Variants in TRPC4AP observed in about 807,000 individuals in gnomAD.
TRPC4AP encodes short transient receptor potential channel 4-associated protein.
Under a neutral mutation model 99.0 loss-of-function variants are expected in TRPC4AP, and 45 were observed. That is an observed-to-expected ratio of 0.45 (90% CI 0.36 to 0.58). The LOEUF is 0.58. Ranked by LOEUF, TRPC4AP falls within the 20% of genes least tolerant of loss-of-function variation. TRPC4AP has a pLI of 0.00. For synonymous variants in TRPC4AP, 408 were observed against 385.8 expected (o/e 1.06, Z -0.67); for missense variants, 879 against 985.3 (o/e 0.89, Z 1.44).
At chr20:35,043,391 C>T (rs2083485216) in intron 7 of TRPC4AP, among the ~76,000 whole-genome samples, 1 of 152,006 alleles carries the variant, frequency 6.6e-6, no homozygotes, top group Non-Finnish European at 1.5e-5. Flanking sequence ...GGACTACAGG[C>T]GTGCACCACC....
chr20:35,037,219 C>T (rs865963446), intron 7 of TRPC4AP, among the ~76,000 whole-genome samples: 1 of 151,872 alleles, frequency 6.6e-6, no homozygotes, highest in Non-Finnish European at 1.5e-5. Flanking sequence ...CGGTGGCAGG[C>T]GCCTGTAGTC....
chr20:35,051,305 C>T (rs1416224971), intron 5 of TRPC4AP, among the ~76,000 whole-genome samples: 5 of 152,048 alleles, frequency 3.3e-5, no homozygotes, highest in African/African-American at 1.2e-4. Context: ...AATTTTCTTT[C>T]TTTTAATTTT....
intron 7 of TRPC4AP, among the ~76,000 whole-genome samples, chr20:35,043,389 G>A (rs911252942): frequency 6.6e-6 from 1 of 152,014 alleles, no homozygotes; most frequent in Admixed American, 6.6e-5. Context: ...TGGGACTACA[G>A]GCGTGCACCA....
intron 2 of TRPC4AP, among the ~76,000 whole-genome samples, chr20:35,075,139 G>A (rs2084438456): frequency 6.7e-6 from 1 of 148,416 alleles, no homozygotes; most frequent in Non-Finnish European, 1.5e-5. Context: ...CCTTTATTTT[G>A]AGCCTATGTG....
At chr20:35,060,164 CTT>C (rs2083960080) in intron 3 of TRPC4AP, among the ~76,000 whole-genome samples, 1 of 152,166 alleles carries the variant, frequency 6.6e-6, no homozygotes, top group Non-Finnish European at 1.5e-5. Context: ...CCAACTCATT[CTT>C]TGAGGCGAGT....
At chr20:35,020,359 C>T (rs1274265292) in intron 9 of TRPC4AP, among the ~76,000 whole-genome samples, 1 of 152,176 alleles carries the variant, frequency 6.6e-6, no homozygotes, top group Non-Finnish European at 1.5e-5. Context: ...TCCCTGTGAG[C>T]CCTCAGCCCT....
chr20:35,004,594 G>A lies in TRPC4AP; in HGVS notation c.1937-24C>T, dbSNP rs1446451603. The A allele has an allele frequency of 1.9e-6, 3 of 1,604,380 alleles. No individual in the cohort carries two copies. The African/African-American group carries it at 4.0e-5, about 21-fold the overall frequency. On this transcript the variant is annotated intron_variant, in intron 16 of 18. Transcript: ENST00000252015. ...AACTGTGGAGGGAGGCAGGGGTGCA[G>A]CAGGTCAGGCTTAGGCCCAGTGGCT... is the stretch of plus-strand genomic sequence containing the variant.
At chr20:35,032,454 T>C (rs1348006576) in intron 8 of TRPC4AP, among the ~76,000 whole-genome samples, 1 of 151,030 alleles carries the variant, frequency 6.6e-6, no homozygotes, top group Non-Finnish European at 1.5e-5. Context: ...AAGCATAGTT[T>C]TAGTTCTTTG....
At chr20:35,043,221 T>A (rs765519905) in intron 7 of TRPC4AP, among the ~76,000 whole-genome samples, 7 of 152,168 alleles carry the variant, frequency 4.6e-5, no homozygotes, top group Non-Finnish European at 1.0e-4. Context: ...AGTCTTTTGT[T>A]ATTACAAATA....
chr20:35,084,247 C>A, intron 1 of TRPC4AP, among the ~76,000 whole-genome samples: 1 of 149,024 alleles, frequency 6.7e-6, no homozygotes, highest in Admixed American at 6.8e-5. Context: ...TCCAGCCGGG[C>A]AACAGTGCGA....
At position 35,046,293 on chromosome 20, in the gene TRPC4AP, A is replaced by T. The variant is rs1001482028; in HGVS notation, c.658-1581T>A. Among the ~76,000 whole-genome samples, 3 of 152,234 alleles carry T rather than the reference A, an allele frequency of 2.0e-5. No individual in the cohort carries two copies. In the East Asian group the frequency reaches 5.8e-4, roughly 29 times the overall value. Reference sequence around the variant, plus strand: ...GGAATGCCTTGTGCTATTTGGTTCTATTCTCACTCATTACTCCTTAAAATC... The same window carrying T: ...GGAATGCCTTGTGCTATTTGGTTCTTTTCTCACTCATTACTCCTTAAAATC... On this transcript the variant is annotated intron_variant, in intron 6 of 18. Coordinates refer to ENST00000252015, the MANE Select transcript of TRPC4AP (RefSeq NM_015638.3).
chr20:35,052,876 C>T (rs2083737370), intron 5 of TRPC4AP, among the ~76,000 whole-genome samples: 1 of 152,108 alleles, frequency 6.6e-6, no homozygotes, highest in Non-Finnish European at 1.5e-5. Flanking sequence ...CACAAGTCCC[C>T]ACTCCAACAC....
chr20:35,079,746 C>T (rs367824846), intron 1 of TRPC4AP, among the ~76,000 whole-genome samples: 6 of 151,888 alleles, frequency 4.0e-5, no homozygotes, highest in African/African-American at 7.3e-5. Flanking sequence ...TATTATGAAC[C>T]GTTTGCCCCA....
rs143476570 is a variant in TRPC4AP, at chr20:35,021,258, C to T, written c.1150G>A (p.Glu384Lys). 2 of 1,614,070 alleles carry T rather than the reference C, an allele frequency of 1.2e-6. No homozygotes were observed. Among genetic ancestry groups the T allele is most frequent in the Non-Finnish European group, 1.7e-6 (2 of 1,180,048 alleles). Residue 384 changes from glutamate to lysine, a missense_variant, in exon 9 of 19, where the codon GAG (glutamate) becomes AAG (lysine). By Grantham distance (56) the Glu-to-Lys change is moderately conservative. This residue lies in a region of TRPC4AP where 603 missense variants were observed against 631.8 expected (regional missense o/e 0.95). Transcript: ENST00000252015. ...AGCACTTCCAGTTTGTACATGATCT[C>T]ATGCATAATCTTCATTGACTGGGGC... is the stretch of plus-strand genomic sequence containing the variant. ...QLPQSMKIMH[E>K]IMYKLEVLYV...
Position 35,092,599 on chromosome 20 carries a change from G to A in TRPC4AP, c.168+15C>T. 6.8e-7 allele frequency: 1 copy of A among 1,464,122 alleles called. No individual in the cohort carries two copies. The highest frequency in any genetic ancestry group is 1.3e-5 in the South Asian group (1 of 77,346). 90.7% of individuals were successfully genotyped at this position (1,464,122 alleles called of 1,614,324 possible). A position where few individuals can be genotyped will look rare whatever the true frequency, so the allele number is the denominator to read the frequency against. On this transcript the variant is annotated intron_variant, in intron 1 of 18. Transcript: ENST00000252015. ...TGGTCCGCCCCGCCCCGCCCCTCCT[G>A]GTCCAGCCTCGTACCTGCACCGCCC...
chr20:35,021,331 C>A lies in TRPC4AP; in HGVS notation c.1077G>T (p.Gly359=), dbSNP rs1241145372. 1.9e-6 allele frequency: 3 copies of A among 1,613,988 alleles called. No individual in the cohort carries two copies. The Admixed American group carries it at 5.0e-5, about 27-fold the overall frequency. ...GAGGCAGGCCATTCTCCTCAGAAGCCCCTGGAGGAGGGAACACAATGGAGG... is the reference window on the plus strand; with the variant it reads ...GAGGCAGGCCATTCTCCTCAGAAGCACCTGGAGGAGGGAACACAATGGAGG... ...NQASIVFPPP[G]ASEENGLPHT... is the part of the protein sequence containing the mutation. The change falls in exon 9 of 19, where the codon GGG becomes GGT. Residue 359 remains glycine (G), a synonymous_variant. Transcript: ENST00000252015.
intron 1 of TRPC4AP, among the ~76,000 whole-genome samples, chr20:35,086,533 G>GTATATATATATA (rs1308760481): frequency 5.4e-5 from 4 of 73,472 alleles, no homozygotes; most frequent in Non-Finnish European, 9.8e-5. Flanking sequence ...ATATGTGTGT[G>GTATATATATATA]TGTGTGTGTG....
intron 3 of TRPC4AP, among the ~76,000 whole-genome samples, chr20:35,066,086 A>C (rs548750835): frequency 6.6e-6 from 1 of 152,184 alleles, no homozygotes; most frequent in Non-Finnish European, 1.5e-5. Context: ...ATTGAAGTAT[A>C]ACGTGATACC....
chr20:35,092,264 C>CTGT (rs2085092331), intron 1 of TRPC4AP, among the ~76,000 whole-genome samples: 2 of 152,068 alleles, frequency 1.3e-5, no homozygotes, highest in Non-Finnish European at 2.9e-5. Context: ...GCCCAATACA[C>CTGT]GGGATAAACT....
Sources: gnomAD v4.1 joint callset for allele counts (sites outside exome capture counted in the v4.1 genomes callset) on GRCh38, gnomAD v4.1.1 for gene constraint, gnomAD v4.1.1 regional missense constraint, MANE v1.5 for transcripts, NCBI Gene and HGNC (gene_info 2026-07-23, HGNC 2026-07-21) for gene names.